The following FAM149B1 variants were observed in gnomAD, a reference collection of about 807,000 sequenced individuals.
FAM149B1 encodes primary cilium assembly protein FAM149B1.
In FAM149B1, 56 loss-of-function variants were observed where a neutral mutation model predicts 75.3. That is an observed-to-expected ratio of 0.74 (90% CI 0.60 to 0.93). FAM149B1 has a LOEUF of 0.93. Ranked by LOEUF, FAM149B1 falls within the 40% of genes least tolerant of loss-of-function variation. The pLI is 0.00. For missense variants in FAM149B1, 639 were observed against 708.4 expected, an observed-to-expected ratio of 0.90 and a Z score of 1.11; for synonymous variants, 259 against 256.1, an observed-to-expected ratio of 1.01 and a Z score of -0.11.
intron 6 of FAM149B1, among the ~76,000 whole-genome samples, chr10:73,209,515 G>A (rs931565538): frequency 2.0e-5 from 3 of 152,084 alleles, no homozygotes; most frequent in African/African-American, 4.8e-5. Context: ...CTTATGGTTG[G>A]CACAGATTTT....
chr10:73,186,594 C>T (rs2133322997), intron 3 of FAM149B1, among the ~76,000 whole-genome samples: 1 of 152,272 alleles, frequency 6.6e-6, no homozygotes, highest in South Asian at 2.1e-4. Context: ...CCCTGCATTA[C>T]CACCCCCCAA....
intron 2 of FAM149B1, 65 bp downstream of exon 2, chr10:73,174,856 G>A (rs1247966511): frequency 8.8e-7 from 1 of 1,130,338 alleles, no homozygotes; most frequent in East Asian, 2.6e-5. Flanking sequence ...TTGTTTTTTG[G>A]CTTAAGATTG....
Position 73,177,994 on chromosome 10 carries a change from GTCT to G in FAM149B1, c.282+20_282+22del. The G allele has an allele frequency of 6.5e-7, 1 of 1,534,668 alleles. No individual in the cohort carries two copies. The highest frequency in any genetic ancestry group is 8.8e-7 in the Non-Finnish European group (1 of 1,140,212). On this transcript the variant is annotated intron_variant, in intron 3 of 13. Transcript: ENST00000242505. ...ATATGGTGTGAGTTATATGTTATCA[GTCT>G]GATAGAGTGCTTGGGAGATGATTCT...
intron 3 of FAM149B1, among the ~76,000 whole-genome samples, chr10:73,181,948 T>C (rs2395011): frequency 6.6e-6 from 1 of 151,944 alleles, no homozygotes; most frequent in Non-Finnish European, 1.5e-5. Context: ...TATGTTTAAA[T>C]TTGTTATATG....
At chr10:73,210,545 C>A in intron 7 of FAM149B1, 107 bp downstream of exon 7, 1 of 732,770 alleles carries the variant, frequency 1.4e-6, no homozygotes, top group Non-Finnish European at 2.2e-6. Flanking sequence ...GCGTATGGGC[C>A]AGGCACAGTG....
At chr10:73,236,413 CTTTTT>C (rs571460371) in intron 12 of FAM149B1, among the ~76,000 whole-genome samples, 1 of 133,296 alleles carries the variant, frequency 7.5e-6, no homozygotes. Context: ...CAATTTCTGC[CTTTTT>C]TTTTTTTTTT....
chr10:73,230,545 C>G lies in FAM149B1; in HGVS notation c.1127+20C>G. ...GCTCCTGTAAGAAGTTCAACATTTT[C>G]AGACTATACAGTGTAAAAGGGAAAC... is the stretch of plus-strand genomic sequence containing the variant. On this transcript the variant is annotated intron_variant, in intron 9 of 13. Transcript: ENST00000242505. 7.8e-7 allele frequency: 1 copy of G among 1,274,984 alleles called. No individual in the cohort carries two copies. Among genetic ancestry groups the G allele is most frequent in the Admixed American group, 2.0e-5 (1 of 50,662 alleles). 79.0% of individuals were successfully genotyped at this position (1,274,984 alleles called of 1,614,324 possible). A position where few individuals can be genotyped will look rare whatever the true frequency, so the allele number is the denominator to read the frequency against.
intron 8 of FAM149B1, 50 bp downstream of exon 8, chr10:73,228,234 G>A: frequency 6.6e-7 from 1 of 1,515,944 alleles, no homozygotes; most frequent in Non-Finnish European, 8.9e-7. Flanking sequence ...TCTCACCAGA[G>A]GAAATTTGCT....
In FAM149B1 at chr10:73,193,610, G is replaced by C. The variant is rs1344189287; in HGVS notation, c.542+17G>C. ...TTCTACTATGTGAGTATTCCATTAT[G>C]TAAGTACTTCAATGTGCCCTAATAT... On this transcript the variant is annotated intron_variant, in intron 5 of 13. Coordinates refer to ENST00000242505, the MANE Select transcript of FAM149B1 (RefSeq NM_173348.2). 5 of 1,548,218 alleles carry C rather than the reference G, an allele frequency of 3.2e-6. No homozygotes were observed. Among genetic ancestry groups the C allele is most frequent in the Non-Finnish European group, 2.6e-6 (3 of 1,145,686 alleles).
At chr10:73,199,228 T>TTGA (rs1490902209) in intron 5 of FAM149B1, among the ~76,000 whole-genome samples, 1 of 151,888 alleles carries the variant, frequency 6.6e-6, no homozygotes, top group African/African-American at 2.4e-5. Flanking sequence ...GTTGTTGTTG[T>TTGA]TGTTGTTGAG....
At chr10:73,172,678 G>T (rs2133293284) in intron 1 of FAM149B1, among the ~76,000 whole-genome samples, 1 of 152,226 alleles carries the variant, frequency 6.6e-6, no homozygotes, top group Non-Finnish European at 1.5e-5. Context: ...TAGATTACTG[G>T]AACATATAAT....
chr10:73,183,845 T>C (rs2042458808), intron 3 of FAM149B1, among the ~76,000 whole-genome samples: 1 of 152,200 alleles, frequency 6.6e-6, no homozygotes, highest in Non-Finnish European at 1.5e-5. Flanking sequence ...AGCCTCACTG[T>C]TGGAGAAGGC....
In FAM149B1 at chr10:73,243,603, G is replaced by A. The variant is rs951855229; in HGVS notation, c.*2584G>A. 53 of 1,543,884 alleles carry A rather than the reference G, an allele frequency of 3.4e-5. No homozygotes were observed. In the African/African-American group the frequency reaches 6.2e-4, roughly 18 times the overall value. ...AGTGGTTGCCAGGGGCTGGAAAAGTGGAATAACTACTAATGGGTATGGAGT... is the reference window on the plus strand; with the variant it reads ...AGTGGTTGCCAGGGGCTGGAAAAGTAGAATAACTACTAATGGGTATGGAGT... On this transcript the variant is annotated 3_prime_UTR_variant, in exon 14 of 14. Transcript: ENST00000242505.
intron 7 of FAM149B1, among the ~76,000 whole-genome samples, chr10:73,218,749 A>T (rs1257742165): frequency 6.6e-6 from 1 of 152,162 alleles, no homozygotes; most frequent in African/African-American, 2.4e-5. Flanking sequence ...TTTTTTCTCT[A>T]GATCACTCTG....
At chr10:73,228,628 C>A (rs781064887) in intron 8 of FAM149B1, among the ~76,000 whole-genome samples, 2 of 151,970 alleles carry the variant, frequency 1.3e-5, no homozygotes, top group East Asian at 3.9e-4. Flanking sequence ...GAGACAGTCT[C>A]GCTCTGTCAC....
In FAM149B1 at chr10:73,204,944, A is replaced by ATTT. The variant is rs71021549; in HGVS notation, c.543-3625_543-3623dup. 4.1e-4 allele frequency among the ~76,000 whole-genome samples: 15 copies of ATTT among 36,604 alleles called. 2 individuals carry two copies. The highest frequency in any genetic ancestry group is 5.2e-4 in the Non-Finnish European group (10 of 19,162). 24.0% of individuals were successfully genotyped at this position (36,604 alleles called of 152,430 possible). A position where few individuals can be genotyped will look rare whatever the true frequency, so the allele number is the denominator to read the frequency against. ...AGGCACCCGCCACCATGCCTGGCTA[A>ATTT]TTTTTTTTTTTTTTTTTTTTTTTTT... On this transcript the variant is annotated intron_variant, in intron 5 of 13. Transcript: ENST00000242505.
At position 73,235,264 on chromosome 10, in the gene FAM149B1, A is replaced by C. The variant is rs1564717101; in HGVS notation, c.1548A>C (p.Glu516Asp). ...VDEPNYQQPQ[E>D]RLLLPDFFPR... ...AACCTAACTATCAGCAGCCACAAGA[A>C]AGGCTCCTTTTGCCCGACTTTTTCC... The change falls in exon 12 of 14, where the codon GAA becomes GAC. Residue 516 changes from glutamate (E) to aspartate (D), a missense_variant. Coordinates refer to ENST00000242505, the MANE Select transcript of FAM149B1 (RefSeq NM_173348.2). The C allele has an allele frequency of 6.4e-7, 1 of 1,552,138 alleles. No individual in the cohort carries two copies. Among genetic ancestry groups the C allele is most frequent in the Admixed American group, 2.0e-5 (1 of 51,008 alleles).
intron 5 of FAM149B1, among the ~76,000 whole-genome samples, chr10:73,198,759 C>T (rs770559998): frequency 1.6e-4 from 25 of 152,052 alleles, no homozygotes; most frequent in Non-Finnish European, 3.2e-4. Flanking sequence ...GAGTCGAGTT[C>T]GCACCATTGC....
chr10:73,186,463 C>G (rs2042524039), intron 3 of FAM149B1, among the ~76,000 whole-genome samples: 1 of 152,156 alleles, frequency 6.6e-6, no homozygotes, highest in African/African-American at 2.4e-5. Flanking sequence ...CACTTCTATT[C>G]AGCATTGTAT....
Sources: gnomAD v4.1 joint callset for allele counts (sites outside exome capture counted in the v4.1 genomes callset) on GRCh38, gnomAD v4.1.1 for gene constraint, MANE v1.5 for transcripts, NCBI Gene and HGNC (gene_info 2026-07-23, HGNC 2026-07-21) for gene names.